Variants in KIF26B observed in about 807,000 individuals in gnomAD.
The protein encoded by KIF26B is kinesin family member 26B.
Under a neutral mutation model 151.2 loss-of-function variants are expected in KIF26B, and 63 were observed. That is an observed-to-expected ratio of 0.42 (90% CI 0.34 to 0.51). KIF26B has a LOEUF of 0.51. Among genes scored for constraint, KIF26B ranks in the 20% least tolerant of loss-of-function variants. The pLI is 0.07. For synonymous variants in KIF26B, 1,357 were observed against 1,262.1 expected, an observed-to-expected ratio of 1.08 and a Z score of -1.59; for missense variants, 2,813 against 2,913.6, an observed-to-expected ratio of 0.97 and a Z score of 0.79.
In KIF26B at chr1:245,466,410, A is replaced by G. The variant is rs546826812; in HGVS notation, c.1166+46665A>G. ...GTGAAGGAGGCTGCAACCCGAAGTT[A>G]TTTTAAGAGAGTGTTGAAAATGAGG... On this transcript the variant is annotated intron_variant, in intron 4 of 14. Transcript: ENST00000407071. Among the ~76,000 whole-genome samples the G allele has an allele frequency of 2.9e-4, 44 of 152,312 alleles. No homozygotes were observed. In the South Asian group the frequency reaches 9.1e-3, roughly 32 times the overall value.
At chr1:245,648,960 T>G (rs1338577535) in intron 10 of KIF26B, among the ~76,000 whole-genome samples, 1 of 152,204 alleles carries the variant, frequency 6.6e-6, no homozygotes, top group African/African-American at 2.4e-5. Context: ...CCAGCTGCCC[T>G]TGCCCTGCCC....
intron 4 of KIF26B, among the ~76,000 whole-genome samples, chr1:245,494,983 T>G (rs1660484609): frequency 6.6e-6 from 1 of 152,010 alleles, no homozygotes. Context: ...AAGGTTGCAG[T>G]GAGTCAACTT....
chr1:245,385,967 T>A (rs1036676638), intron 3 of KIF26B, among the ~76,000 whole-genome samples: 1 of 152,182 alleles, frequency 6.6e-6, no homozygotes, highest in Non-Finnish European at 1.5e-5. Context: ...AGGTGTTGCA[T>A]GGACGGTGAG....
chr1:245,159,432 T>G (rs1162672209), intron 2 of KIF26B, among the ~76,000 whole-genome samples: 8 of 152,194 alleles, frequency 5.3e-5, no homozygotes, highest in Admixed American at 5.2e-4. Flanking sequence ...CTTTTTAACT[T>G]TCCTATTAAT....
At chr1:245,280,825 G>T (rs201437166) in intron 2 of KIF26B, among the ~76,000 whole-genome samples, 2 of 102,042 alleles carry the variant, frequency 2.0e-5, no homozygotes, top group South Asian at 3.8e-4. Context: ...TCATTGTTCA[G>T]TTCCCACCTA....
rs1437587088 is a variant in KIF26B, at chr1:245,166,871, G to A, written c.465+10188G>A. Among the ~76,000 whole-genome samples, 1 of 152,196 alleles carries A rather than the reference G, an allele frequency of 6.6e-6. No homozygotes were observed. Among genetic ancestry groups the A allele is most frequent in the African/African-American group, 2.4e-5 (1 of 41,438 alleles). On this transcript the variant is annotated intron_variant, in intron 2 of 14. Coordinates refer to ENST00000407071, the MANE Select transcript of KIF26B (RefSeq NM_018012.4). This position sits in a 1 kb window ranked among gnomAD's most constrained non-coding sequence, Gnocchi z 4.5. ...GGGCTGGAGGTGACCGTGGAGGAGA[G>A]GGATCCTGTGAGCTCTAATACAAAA...
chr1:245,305,423 T>G (rs966985646), intron 2 of KIF26B, among the ~76,000 whole-genome samples: 5 of 152,068 alleles, frequency 3.3e-5, no homozygotes, highest in Non-Finnish European at 5.9e-5. Context: ...ATTATAAAAA[T>G]GAGTAAAAGA....
At chr1:245,205,743 C>T (rs1452187024) in intron 2 of KIF26B, among the ~76,000 whole-genome samples, 1 of 143,648 alleles carries the variant, frequency 7.0e-6, no homozygotes, top group Non-Finnish European at 1.5e-5. Flanking sequence ...CATAGGGTCT[C>T]GTTCTGTTGC....
At chr1:245,155,541 G>C (rs974332395) in intron 1 of KIF26B, 54 bp downstream of exon 1, 1 of 1,463,496 alleles carries the variant, frequency 6.8e-7, no homozygotes, top group African/African-American at 1.4e-5. Flanking sequence ...TCTCGGCGGA[G>C]GTCCCCCTTT....
chr1:245,552,878 G>C (rs932210437), intron 5 of KIF26B, among the ~76,000 whole-genome samples: 1 of 152,130 alleles, frequency 6.6e-6, no homozygotes, highest in African/African-American at 2.4e-5. Context: ...GGGATTCCGG[G>C]TGTGAGCCAC....
At chr1:245,527,524 C>CTTGTTTTTTTTTTTTTT (rs1661263831) in intron 4 of KIF26B, among the ~76,000 whole-genome samples, 2 of 50,710 alleles carry the variant, frequency 3.9e-5, no homozygotes, top group African/African-American at 2.0e-4. Flanking sequence ...TTTGGGATGG[C>CTTGTTTTTTTTTTTTTT]TTTTTTTTTT....
At chr1:245,435,064 CA>C (rs1658877633) in intron 4 of KIF26B, among the ~76,000 whole-genome samples, 1 of 149,046 alleles carries the variant, frequency 6.7e-6, no homozygotes, top group Non-Finnish European at 1.5e-5. Context: ...TCCATCCATC[CA>C]TCCATCCATC....
intron 2 of KIF26B, among the ~76,000 whole-genome samples, chr1:245,168,266 C>T (rs1419985849): frequency 1.3e-5 from 2 of 152,180 alleles, no homozygotes; most frequent in African/African-American, 2.4e-5. Context: ...CATCTGCAGC[C>T]GCCGCAGCGA....
intron 4 of KIF26B, among the ~76,000 whole-genome samples, chr1:245,484,767 A>G (rs201980277): frequency 7.4e-6 from 1 of 134,234 alleles, no homozygotes; most frequent in Admixed American, 7.5e-5. Context: ...CTTCTTCTTC[A>G]TATTATTATT....
rs1365633618 is a variant in KIF26B at position 245,699,015 on chromosome 1, T to C, written c.6156T>C (p.Asp2052=). 6.2e-7 allele frequency: 1 copy of C among 1,613,892 alleles called. No homozygotes were observed. ...LEATKQYLML[D]PNKWLSEFDL... is the part of the protein sequence containing the mutation. ...CGACCAAACAGTATCTGATGCTGGA[T>C]CCCAACAAGTGGCTCAGTGAATGTA... The change falls in exon 14 of 15, where the codon GAT becomes GAC. Residue 2052 remains aspartate, a synonymous_variant. Coordinates refer to ENST00000407071, the MANE Select transcript of KIF26B (RefSeq NM_018012.4).
At chr1:245,186,683 T>A (rs1219199699) in intron 2 of KIF26B, among the ~76,000 whole-genome samples, 1 of 152,202 alleles carries the variant, frequency 6.6e-6, no homozygotes, top group Non-Finnish European at 1.5e-5. Flanking sequence ...AAAGTGGGAC[T>A]CTTAGTACTT....
chr1:245,652,573 G>C (rs536337529), intron 10 of KIF26B, among the ~76,000 whole-genome samples: 145 of 152,146 alleles, frequency 9.5e-4, no homozygotes, highest in African/African-American at 3.4e-3. Context: ...AAGAGTTGAG[G>C]CAGAAGCTGC....
rs1362955907 is a variant in KIF26B at position 245,318,107 on chromosome 1, A to C, written c.466-48727A>C. Among the ~76,000 whole-genome samples the C allele has an allele frequency of 6.6e-6, 1 of 152,216 alleles. No homozygotes were observed. The highest frequency in any genetic ancestry group is 2.4e-5 in the African/African-American group (1 of 41,436). Reference sequence around the variant, plus strand: ...AAAACATGGTTTCTCTTCTCAGTTCAGATTGCCTCTGTTGCAAGGACTGAG... The same window carrying C: ...AAAACATGGTTTCTCTTCTCAGTTCCGATTGCCTCTGTTGCAAGGACTGAG... On this transcript the variant is annotated intron_variant, in intron 2 of 14. Transcript: ENST00000407071. The surrounding 1 kb of genome is among the most constrained non-coding windows in gnomAD (Gnocchi z 4.0).
intron 3 of KIF26B, among the ~76,000 whole-genome samples, chr1:245,388,623 A>C (rs1673610226): frequency 6.6e-6 from 1 of 152,196 alleles, no homozygotes; most frequent in Non-Finnish European, 1.5e-5. Flanking sequence ...AGAGAAGTGA[A>C]TCTAAGTCAT....
Sources: gnomAD v4.1 joint callset for allele counts (sites outside exome capture counted in the v4.1 genomes callset) on GRCh38, gnomAD v4.1.1 for gene constraint, Gnocchi (gnomAD v3.1) non-coding constraint, MANE v1.5 for transcripts, NCBI Gene and HGNC (gene_info 2026-07-23, HGNC 2026-07-21) for gene names.